Variants in UBASH3B observed in about 807,000 individuals in gnomAD.
UBASH3B encodes ubiquitin associated and SH3 domain containing B.
UBASH3B carries 37 observed loss-of-function variants against 83.4 expected under a neutral mutation model. The ratio of observed to expected loss-of-function variants is 0.44; its 90% confidence interval spans 0.34 to 0.58. The LOEUF (loss-of-function observed/expected upper bound fraction) is 0.58, where lower values mean the gene tolerates loss of function less well. Among genes scored for constraint, UBASH3B ranks in the 20% least tolerant of loss-of-function variants. UBASH3B has a pLI of 0.01. For synonymous variants in UBASH3B, 304 were observed against 318.3 expected, an observed-to-expected ratio of 0.96 and a Z score of 0.48; for missense variants, 657 against 827.2, an observed-to-expected ratio of 0.79 and a Z score of 2.52.
rs375894696 is a variant in UBASH3B, at chr11:122,712,086, C to T, written c.161+55876C>T. ...CTGTTCATCATCAAGTAATTCAGGGCACTAGGGGGAAAAAACTTCTCTGAA... is the reference window on the plus strand; with the variant it reads ...CTGTTCATCATCAAGTAATTCAGGGTACTAGGGGGAAAAAACTTCTCTGAA... On this transcript the variant is annotated intron_variant, in intron 1 of 13. Transcript: ENST00000284273. Among the ~76,000 whole-genome samples the T allele has an allele frequency of 2.0e-5, 3 of 151,082 alleles. No individual in the cohort carries two copies. In the East Asian group the frequency reaches 5.8e-4, roughly 29 times the overall value.
rs765961992 is a variant in UBASH3B, at chr11:122,801,202, A to C, written c.1465A>C (p.Asn489His). 8.1e-6 allele frequency: 13 copies of C among 1,614,080 alleles called. No individual in the cohort carries two copies. The African/African-American group carries it at 1.5e-4, about 18-fold the overall frequency. Residue 489 changes from asparagine to histidine, a missense_variant, in exon 11 of 14, where the codon AAT becomes CAT. Transcript: ENST00000284273. ...HNILKGLQQE[N>H]HLKIRVEPGL... ...TTACCCCTAAGGTTTACAACAAGAA[A>C]ATCACTTGAAGATCCGTGTAGAGCC...
chr11:122,761,627 G>A (rs1412094277), intron 1 of UBASH3B, among the ~76,000 whole-genome samples: 1 of 152,078 alleles, frequency 6.6e-6, no homozygotes, highest in Non-Finnish European at 1.5e-5. Context: ...AACCGTTTCA[G>A]AAGGACTAAA....
intron 1 of UBASH3B, among the ~76,000 whole-genome samples, chr11:122,717,240 C>A (rs530172368): frequency 6.6e-6 from 1 of 152,332 alleles, no homozygotes; most frequent in African/African-American, 2.4e-5. Flanking sequence ...CTTCTCCCAC[C>A]TAAGGCCTTC....
At chr11:122,776,379 A>T in intron 2 of UBASH3B, 107 bp downstream of exon 2, 1 of 1,041,024 alleles carries the variant, frequency 9.6e-7, no homozygotes, top group Non-Finnish European at 1.4e-6. Context: ...TCCAGAAGAG[A>T]CAGGAGCCAA....
chr11:122,806,615 C>A lies in UBASH3B; in HGVS notation c.1702+99C>A. 1.5e-6 allele frequency: 2 copies of A among 1,358,006 alleles called. No homozygotes were observed. The highest frequency in any genetic ancestry group is 1.9e-6 in the Non-Finnish European group (2 of 1,051,088). The allele number at this position is 1,358,006 out of a possible 1,614,324, so 84.1% of individuals were successfully genotyped here. A position where few individuals can be genotyped will look rare whatever the true frequency, so the allele number is the denominator to read the frequency against. ...GATGTTTCAACTTGCTTTGGCTAAC[C>A]AAAGAAATGTATTTCCAGATTTTCT... On this transcript the variant is annotated intron_variant, in intron 12 of 13. Transcript: ENST00000284273. The surrounding 1 kb of genome is among the most constrained non-coding windows in gnomAD (Gnocchi z 4.0).
chr11:122,783,307 C>A, intron 5 of UBASH3B, 85 bp downstream of exon 5: 1 of 1,477,054 alleles, frequency 6.8e-7, no homozygotes, highest in Non-Finnish European at 9.2e-7. Context: ...GAGATGGGTA[C>A]CTACAGGGGA....
chr11:122,766,603 C>G (rs1279306852), intron 1 of UBASH3B, among the ~76,000 whole-genome samples: 2 of 151,818 alleles, frequency 1.3e-5, no homozygotes, highest in East Asian at 3.9e-4. Context: ...ATTAGCCGGA[C>G]GTGGTGGCAG....
intron 1 of UBASH3B, among the ~76,000 whole-genome samples, chr11:122,711,234 T>C (rs1234641476): frequency 6.6e-6 from 1 of 152,232 alleles, no homozygotes; most frequent in Non-Finnish European, 1.5e-5. Context: ...AAAATCTCTG[T>C]AGCAGACATT....
intron 9 of UBASH3B, among the ~76,000 whole-genome samples, chr11:122,798,536 C>G (rs113979522): frequency 0.014 from 2,058 of 151,948 alleles, 44 homozygotes; most frequent in African/African-American, 0.048. Flanking sequence ...CATGTTGAAA[C>G]CCCATCTCTA....
At chr11:122,698,134 G>T (rs559011692) in intron 1 of UBASH3B, among the ~76,000 whole-genome samples, 10 of 152,308 alleles carry the variant, frequency 6.6e-5, no homozygotes, top group Admixed American at 5.9e-4. Flanking sequence ...GGGCAGAGCT[G>T]GGCTCAGCCA....
At chr11:122,781,401 C>T (rs950271703) in intron 4 of UBASH3B, among the ~76,000 whole-genome samples, 3 of 152,298 alleles carry the variant, frequency 2.0e-5, no homozygotes, top group Admixed American at 2.0e-4. Context: ...ATGTCAAAGC[C>T]GCAAAACCCA....
intron 1 of UBASH3B, among the ~76,000 whole-genome samples, chr11:122,715,450 A>C (rs1860503709): frequency 6.6e-6 from 1 of 152,250 alleles, no homozygotes; most frequent in Non-Finnish European, 1.5e-5. Flanking sequence ...GCTACGGCAG[A>C]GACAATCCAG....
chr11:122,738,962 T>C (rs1488131827), intron 1 of UBASH3B, among the ~76,000 whole-genome samples: 2 of 152,086 alleles, frequency 1.3e-5, no homozygotes, highest in African/African-American at 4.8e-5. Context: ...AAGGGAGCCA[T>C]GGACAGTTGT....
chr11:122,722,688 A>G (rs1591786493), intron 1 of UBASH3B, among the ~76,000 whole-genome samples: 1 of 151,700 alleles, frequency 6.6e-6, no homozygotes, highest in East Asian at 1.9e-4. Context: ...CCCTTTAAGC[A>G]TAATATTCAG....
At chr11:122,739,025 G>A (rs752230103) in intron 1 of UBASH3B, among the ~76,000 whole-genome samples, 37 of 152,154 alleles carry the variant, frequency 2.4e-4, no homozygotes, top group Non-Finnish European at 4.3e-4. Context: ...TTGAGACAAG[G>A]TCCCACTCTG....
intron 1 of UBASH3B, among the ~76,000 whole-genome samples, chr11:122,736,339 G>A (rs1005667587): frequency 1.3e-5 from 2 of 151,896 alleles, no homozygotes; most frequent in African/African-American, 2.4e-5. Context: ...TCTATATTCT[G>A]ATGCTTTTAG....
intron 1 of UBASH3B, among the ~76,000 whole-genome samples, chr11:122,718,781 T>TA (rs765804345): frequency 1.3e-5 from 2 of 152,156 alleles, no homozygotes; most frequent in African/African-American, 2.4e-5. Flanking sequence ...ATCCTCTTCT[T>TA]ACTCCAATCT....
chr11:122,790,416 A>G (rs11604648), intron 6 of UBASH3B, among the ~76,000 whole-genome samples: 74,834 of 151,940 alleles, frequency 0.49, 19,024 homozygotes, highest in Non-Finnish European at 0.55. Context: ...TTAGAGGTCA[A>G]AGCTGTCTTA....
intron 3 of UBASH3B, among the ~76,000 whole-genome samples, chr11:122,778,146 AAAG>A (rs1860775233): frequency 7.0e-6 from 1 of 143,144 alleles, no homozygotes; most frequent in Non-Finnish European, 1.6e-5. Context: ...AAGACCAAAC[AAAG>A]TGGTAGCATT....
Sources: gnomAD v4.1 joint callset for allele counts (sites outside exome capture counted in the v4.1 genomes callset) on GRCh38, gnomAD v4.1.1 for gene constraint, Gnocchi (gnomAD v3.1) non-coding constraint, MANE v1.5 for transcripts, NCBI Gene and HGNC (gene_info 2026-07-23, HGNC 2026-07-21) for gene names.